The following TENM4 variants were observed in gnomAD, a reference collection of about 807,000 sequenced individuals.
TENM4 encodes teneurin transmembrane protein 4, also known as teneurin-4.
TENM4 carries 82 observed loss-of-function variants against 243.3 expected under a neutral mutation model. That is an observed-to-expected ratio of 0.34 (90% CI 0.28 to 0.40). TENM4 has a LOEUF of 0.40. TENM4 is among the 10% of genes least tolerant of loss of function. The pLI is 1.00. For missense variants in TENM4, 3,138 were observed against 3,673.3 expected, an observed-to-expected ratio of 0.85 and a Z score of 3.77; for synonymous variants, 1,412 against 1,456.3, an observed-to-expected ratio of 0.97 and a Z score of 0.69.
chr11:78,931,032 C>T (rs611962), intron 6 of TENM4, among the ~76,000 whole-genome samples: 96,580 of 151,972 alleles, frequency 0.64, 31,886 homozygotes, highest in East Asian at 0.77. Flanking sequence ...AAACATCTAA[C>T]GTAATTTGAA....
At chr11:78,750,849 T>TTG (rs72172542) in intron 19 of TENM4, among the ~76,000 whole-genome samples, 32,289 of 145,588 alleles carry the variant, frequency 0.22, 3,460 homozygotes, top group Admixed American at 0.26. Flanking sequence ...CAAATGAGGC[T>TTG]TGTGTGTGTG....
At chr11:79,131,482 G>A (rs546536126) in intron 4 of TENM4, among the ~76,000 whole-genome samples, 1 of 152,218 alleles carries the variant, frequency 6.6e-6, no homozygotes, top group Non-Finnish European at 1.5e-5. Context: ...CAAATACTAA[G>A]AGAATTTGCC....
At chr11:79,388,778 G>C (rs1032628320) in intron 1 of TENM4, among the ~76,000 whole-genome samples, 1 of 152,218 alleles carries the variant, frequency 6.6e-6, no homozygotes. Flanking sequence ...TCCATGCACA[G>C]TGTGGCATGC....
intron 1 of TENM4, among the ~76,000 whole-genome samples, chr11:79,367,080 C>A (rs1555055955): frequency 6.6e-6 from 1 of 152,216 alleles, no homozygotes; most frequent in Non-Finnish European, 1.5e-5. Flanking sequence ...AACCAGGATT[C>A]ACATCCTCAT....
chr11:79,362,537 C>T (rs1000312064), intron 1 of TENM4, among the ~76,000 whole-genome samples: 5 of 152,186 alleles, frequency 3.3e-5, no homozygotes, highest in Admixed American at 2.6e-4. Flanking sequence ...ATTTCCAGAA[C>T]AAGTTCCCAC....
chr11:79,290,924 T>C (rs888642064), intron 2 of TENM4, among the ~76,000 whole-genome samples: 2 of 152,148 alleles, frequency 1.3e-5, no homozygotes, highest in Admixed American at 1.3e-4. Context: ...GCTGTTTGTT[T>C]GTAAAGGCAC....
intron 3 of TENM4, among the ~76,000 whole-genome samples, chr11:79,215,531 C>T (rs961319907): frequency 3.3e-5 from 5 of 152,160 alleles, no homozygotes; most frequent in Non-Finnish European, 7.3e-5. Context: ...CCATCACATA[C>T]CTGCTAGATG....
intron 4 of TENM4, among the ~76,000 whole-genome samples, chr11:79,103,621 C>T (rs1861287441): frequency 6.6e-6 from 1 of 152,166 alleles, no homozygotes; most frequent in South Asian, 2.1e-4. Context: ...CTTTCTGAGA[C>T]AAGAAAACAA....
chr11:79,228,208 C>G (rs773356516), intron 2 of TENM4, among the ~76,000 whole-genome samples: 1 of 152,174 alleles, frequency 6.6e-6, no homozygotes, highest in African/African-American at 2.4e-5. Context: ...GCAGGCCCCT[C>G]GGGTGGTGGG....
intron 2 of TENM4, among the ~76,000 whole-genome samples, chr11:79,228,915 C>A (rs72937350): frequency 6.6e-6 from 1 of 152,120 alleles, no homozygotes; most frequent in Non-Finnish European, 1.5e-5. Context: ...AGATTTCTTT[C>A]GTTTTTCCCT....
At chr11:78,908,123 T>G (rs887170330) in intron 6 of TENM4, among the ~76,000 whole-genome samples, 10 of 152,216 alleles carry the variant, frequency 6.6e-5, no homozygotes, top group African/African-American at 2.4e-4. Context: ...TGAACCAAGA[T>G]CATAGTGAGG....
At chr11:79,279,105 G>A (rs568791863) in intron 2 of TENM4, among the ~76,000 whole-genome samples, 46 of 152,320 alleles carry the variant, frequency 3.0e-4, no homozygotes, top group Non-Finnish European at 5.7e-4. Flanking sequence ...CTGGGGCCAC[G>A]GAGGGTGGTC....
chr11:79,333,175 A>G (rs1041593849), intron 1 of TENM4, among the ~76,000 whole-genome samples: 3 of 152,140 alleles, frequency 2.0e-5, no homozygotes, highest in African/African-American at 7.2e-5. Flanking sequence ...CAAAGTTAAT[A>G]TATGATAAGG....
chr11:78,845,669 A>C (rs1014439674), intron 12 of TENM4, among the ~76,000 whole-genome samples: 1 of 152,240 alleles, frequency 6.6e-6, no homozygotes, highest in African/African-American at 2.4e-5. Flanking sequence ...GTAAAGGGAA[A>C]GAAAAAATAA....
rs374982326 is a variant in TENM4 at position 79,316,527 on chromosome 11, T to C, written c.-320-18984A>G. ...GGGTTGAGTATTACTGTCTGCAGAG[T>C]TACTTTAAAGTGCTCTTGACTTCCT... is the stretch of plus-strand genomic sequence containing the variant. On this transcript the variant is annotated intron_variant, in intron 1 of 33. Coordinates refer to ENST00000278550, the MANE Select transcript of TENM4 (RefSeq NM_001098816.3). Among the ~76,000 whole-genome samples, 129 of 152,288 alleles carry C rather than the reference T, an allele frequency of 8.5e-4. 8 individuals carry two copies. The South Asian group carries it at 0.017, about 21-fold the overall frequency.
At chr11:79,274,254 G>A (rs1006420805) in intron 2 of TENM4, among the ~76,000 whole-genome samples, 1 of 152,226 alleles carries the variant, frequency 6.6e-6, no homozygotes, top group Admixed American at 6.5e-5. Context: ...GTTACATATT[G>A]GCGACCAAAT....
chr11:79,089,481 A>C (rs190982151), intron 4 of TENM4, among the ~76,000 whole-genome samples: 54 of 152,342 alleles, frequency 3.5e-4, no homozygotes, highest in Admixed American at 6.5e-4. Context: ...GTCTATAGCA[A>C]GTAATTGGAT....
chr11:78,863,575 A>G (rs1448512973), intron 9 of TENM4, among the ~76,000 whole-genome samples: 1 of 152,260 alleles, frequency 6.6e-6, no homozygotes, highest in Non-Finnish European at 1.5e-5. Flanking sequence ...ATAGCCCATA[A>G]TCATATGAAA....
At chr11:79,200,112 C>T (rs1214498825) in intron 3 of TENM4, among the ~76,000 whole-genome samples, 5 of 152,216 alleles carry the variant, frequency 3.3e-5, no homozygotes, top group Admixed American at 2.6e-4. Context: ...CCTGGGGTGC[C>T]GTTCATTTCT....
Sources: allele counts gnomAD v4.1 joint callset (sites outside exome capture counted in the v4.1 genomes callset), GRCh38; gene constraint gnomAD v4.1.1; transcripts MANE v1.5; gene names NCBI Gene and HGNC (gene_info 2026-07-23, HGNC 2026-07-21).